NEXN: variants seen among roughly 807,000 people sequenced by gnomAD.
NEXN encodes the protein nexilin F-actin binding protein.
Under a neutral mutation model 92.6 loss-of-function variants are expected in NEXN, and 65 were observed. The observed-to-expected ratio is 0.70, with a 90% confidence interval of 0.57 to 0.86. The LOEUF (loss-of-function observed/expected upper bound fraction) is 0.86, where lower values mean the gene tolerates loss of function less well. Among genes scored for constraint, NEXN ranks in the 40% least tolerant of loss-of-function variants. NEXN has a pLI of 0.00. For missense variants in NEXN, 778 were observed against 771.1 expected (o/e 1.01, Z -0.11); for synonymous variants, 254 against 242.5 (o/e 1.05, Z -0.44).
chr1:77,939,566 A>G (rs1032907916), intron 11 of NEXN, among the ~76,000 whole-genome samples: 4 of 152,218 alleles, frequency 2.6e-5, no homozygotes, highest in African/African-American at 9.7e-5. Context: ...AGTTATACCT[A>G]TACCTACAAA....
chr1:77,929,461 T>G lies in NEXN; in HGVS notation c.1010T>G (p.Ile337Arg), dbSNP rs749553777. The change falls in exon 9 of 13, where the codon ATA becomes AGA. Residue 337 changes from isoleucine (I) to arginine (R), a missense_variant. Coordinates refer to ENST00000334785, the MANE Select transcript of NEXN (RefSeq NM_144573.4). ...GCAGAAGAAGAAGCCAGAAGGAGAA[T>G]AGAGGAAGAAAAGAAGGCGTTTGCT... is the stretch of plus-strand genomic sequence containing the variant. ...RKAEEEARRRIEEEKKAFAEA... is the reference protein window; with the variant it reads ...RKAEEEARRRREEEKKAFAEA... The G allele has an allele frequency of 6.2e-7, 1 of 1,612,674 alleles. No homozygotes were observed. Among genetic ancestry groups the G allele is most frequent in the African/African-American group, 1.3e-5 (1 of 74,932 alleles).
chr1:77,943,028 AT>A lies in NEXN; in HGVS notation c.*201del. ...AGGAGTGCCACTATGCTGACTTCTT[AT>A]TCCTTTTCATAACAGTCTTCAAAGC... On this transcript the variant is annotated 3_prime_UTR_variant, in exon 13 of 13. Transcript: ENST00000334785. The A allele has an allele frequency of 1.6e-6, 1 of 640,774 alleles. No homozygotes were observed. Among genetic ancestry groups the A allele is most frequent in the South Asian group, 1.6e-5 (1 of 62,664 alleles). The allele number at this position is 640,774 out of a possible 1,614,324, so 39.7% of individuals were successfully genotyped here.
At chr1:77,933,687 GTATC>G (rs1344416798) in intron 10 of NEXN, among the ~76,000 whole-genome samples, 1 of 152,070 alleles carries the variant, frequency 6.6e-6, no homozygotes, top group East Asian at 1.9e-4. Context: ...TAATAAAAAA[GTATC>G]TAGGTTTGCA....
intron 11 of NEXN, among the ~76,000 whole-genome samples, chr1:77,937,689 A>AAAAAAAT (rs1553240980): frequency 6.7e-6 from 1 of 149,616 alleles, no homozygotes; most frequent in Non-Finnish European, 1.5e-5. Flanking sequence ...TCTCCATCTC[A>AAAAAAAT]AAAAAATAAA....
chr1:77,926,128 T>C (rs1649821932), intron 6 of NEXN, among the ~76,000 whole-genome samples: 1 of 152,148 alleles, frequency 6.6e-6, no homozygotes, highest in Admixed American at 6.5e-5. Flanking sequence ...AATAGCTTAA[T>C]TCAGGCAATG....
intron 5 of NEXN, among the ~76,000 whole-genome samples, chr1:77,923,918 C>G (rs556094937): frequency 6.6e-6 from 1 of 151,696 alleles, no homozygotes; most frequent in Non-Finnish European, 1.5e-5. Flanking sequence ...CCTCGTGATC[C>G]GCCCGCCTCA....
chr1:77,901,868 C>T (rs1647743511), intron 1 of NEXN, among the ~76,000 whole-genome samples: 1 of 152,196 alleles, frequency 6.6e-6, no homozygotes, highest in African/African-American at 2.4e-5. Flanking sequence ...TCCTCGCTAA[C>T]TAAGCTGGGA....
At chr1:77,919,425 G>A (rs941467650) in intron 5 of NEXN, among the ~76,000 whole-genome samples, 5 of 152,170 alleles carry the variant, frequency 3.3e-5, no homozygotes, top group African/African-American at 1.2e-4. Flanking sequence ...TGAAAGCAAA[G>A]CATATGCTAT....
chr1:77,942,237 CA>C (rs746537260), intron 12 of NEXN, 29 bp downstream of exon 12: 2 of 1,602,200 alleles, frequency 1.2e-6, no homozygotes, highest in Non-Finnish European at 1.7e-6. Context: ...CTTTATTTTC[CA>C]AAGATGCCCT....
chr1:77,922,372 G>A (rs551895583), intron 5 of NEXN, among the ~76,000 whole-genome samples: 19 of 150,670 alleles, frequency 1.3e-4, no homozygotes, highest in East Asian at 1.2e-3. Flanking sequence ...CTCATGATCC[G>A]CCTGCCTCGG....
At chr1:77,903,741 A>G (rs1277698956) in intron 1 of NEXN, among the ~76,000 whole-genome samples, 1 of 151,924 alleles carries the variant, frequency 6.6e-6, no homozygotes, top group Non-Finnish European at 1.5e-5. Flanking sequence ...CATGGGCAAT[A>G]TGATGAAACC....
intron 1 of NEXN, among the ~76,000 whole-genome samples, chr1:77,891,400 C>T (rs1647102143): frequency 6.6e-6 from 1 of 152,090 alleles, no homozygotes; most frequent in South Asian, 2.1e-4. Flanking sequence ...GAAAGCATCC[C>T]ATGCAGTGTC....
intron 1 of NEXN, among the ~76,000 whole-genome samples, chr1:77,894,462 A>G (rs568964647): frequency 3.6e-4 from 54 of 151,940 alleles, no homozygotes; most frequent in African/African-American, 1.2e-3. Flanking sequence ...TTTTTTGGAG[A>G]CAGGGTCTCG....
Position 77,917,938 on chromosome 1 carries a change from ATTAAT to A in NEXN, c.220-18_220-14del, listed in dbSNP as rs1649106415. On this transcript the variant is annotated splice_polypyrimidine_tract_variant and intron_variant, in intron 3 of 12. Coordinates refer to ENST00000334785, the MANE Select transcript of NEXN (RefSeq NM_144573.4). ...GTCTAATTTTTGGACATGTGCTCAC[ATTAAT>A]TTATTTAACCATCTAGATTAAAGAA... is the stretch of plus-strand genomic sequence containing the variant. 1.9e-6 allele frequency: 3 copies of A among 1,593,428 alleles called. No individual in the cohort carries two copies. The highest frequency in any genetic ancestry group is 1.3e-5 in the African/African-American group (1 of 74,494).
intron 1 of NEXN, among the ~76,000 whole-genome samples, chr1:77,899,672 A>G (rs1194531692): frequency 6.6e-6 from 1 of 151,844 alleles, no homozygotes; most frequent in Non-Finnish European, 1.5e-5. Context: ...ATAAAAAAAT[A>G]AAAAATAAAA....
At chr1:77,896,826 A>T (rs1647284567) in intron 1 of NEXN, among the ~76,000 whole-genome samples, 1 of 152,014 alleles carries the variant, frequency 6.6e-6, no homozygotes, top group Non-Finnish European at 1.5e-5. Context: ...GATAAAGGGG[A>T]TATCACCACC....
chr1:77,938,285 A>C (rs951217908), intron 11 of NEXN, among the ~76,000 whole-genome samples: 1 of 152,204 alleles, frequency 6.6e-6, no homozygotes, highest in African/African-American at 2.4e-5. Context: ...CATCTACAAA[A>C]TGTTGAACAT....
chr1:77,910,615 G>A (rs538198575), intron 1 of NEXN, among the ~76,000 whole-genome samples: 426 of 151,916 alleles, frequency 2.8e-3, no homozygotes, highest in Non-Finnish European at 4.4e-3. Flanking sequence ...GCTGGGTGTC[G>A]TCGGTCGCGC....
intron 5 of NEXN, 114 bp downstream of exon 5, chr1:77,918,387 C>A: frequency 8.1e-7 from 1 of 1,241,856 alleles, no homozygotes; most frequent in Non-Finnish European, 1.2e-6. Flanking sequence ...TATTAAAAAG[C>A]AGCTAACCGT....
Sources: gnomAD v4.1 joint callset for allele counts (sites outside exome capture counted in the v4.1 genomes callset) on GRCh38, gnomAD v4.1.1 for gene constraint, MANE v1.5 for transcripts, NCBI Gene and HGNC (gene_info 2026-07-23, HGNC 2026-07-21) for gene names.